VSTM2A: variants seen among roughly 807,000 people sequenced by gnomAD.
VSTM2A encodes V-set and transmembrane domain-containing protein 2A.
A neutral mutation model predicts 27.3 loss-of-function variants in VSTM2A; 13 were observed. That is an observed-to-expected ratio of 0.48 (90% CI 0.31 to 0.76). VSTM2A has a LOEUF of 0.76. Ranked by LOEUF, VSTM2A falls within the 30% of genes least tolerant of loss-of-function variation. The pLI is 0.05. For missense variants in VSTM2A, 280 were observed against 310.0 expected, an observed-to-expected ratio of 0.90 and a Z score of 0.73; for synonymous variants, 142 against 125.7, an observed-to-expected ratio of 1.13 and a Z score of -0.87.
Position 54,550,382 on chromosome 7 carries a change from G to A in VSTM2A, c.634+212G>A, listed in dbSNP as rs926043514. 6.6e-6 allele frequency: 9 copies of A among 1,365,978 alleles called. No individual in the cohort carries two copies. In the South Asian group the frequency reaches 1.0e-4, roughly 16 times the overall value. 84.6% of individuals were successfully genotyped at this position (1,365,978 alleles called of 1,614,324 possible). A position where few individuals can be genotyped will look rare whatever the true frequency, so the allele number is the denominator to read the frequency against. On this transcript the variant is annotated intron_variant, in intron 4 of 4. Coordinates refer to ENST00000402613, the MANE Select transcript of VSTM2A (RefSeq NM_001301009.2). Reference sequence around the variant, plus strand: ...TGCACCCCGTCAGTCCCCTAGTGGTGCTTCATTTCCAGGGCATCTGAGAGC... The same window carrying A: ...TGCACCCCGTCAGTCCCCTAGTGGTACTTCATTTCCAGGGCATCTGAGAGC...
intron 4 of VSTM2A, among the ~76,000 whole-genome samples, chr7:54,553,676 G>A (rs1325921494): frequency 6.6e-6 from 1 of 152,110 alleles, no homozygotes; most frequent in Admixed American, 6.5e-5. Flanking sequence ...CAAATATGGA[G>A]AAGAAAGACC....
chr7:54,562,761 C>T (rs17172352), intron 4 of VSTM2A, among the ~76,000 whole-genome samples: 8,907 of 152,188 alleles, frequency 0.059, 296 homozygotes, highest in South Asian at 0.095. Flanking sequence ...CTTTCTGAAA[C>T]CCTTAGTCAA....
intron 4 of VSTM2A, chr7:54,559,939 TAAAAG>T (rs1391081446): frequency 6.6e-6 from 1 of 151,800 alleles, no homozygotes. Flanking sequence ...CATAGAAAAA[TAAAAG>T]AAAAAAAGAA....
rs960682272 is a variant in VSTM2A at position 54,570,062 on chromosome 7, T to C, written c.*843T>C. 2 of 152,216 alleles carry C rather than the reference T, an allele frequency of 1.3e-5. No homozygotes were observed. The highest frequency in any genetic ancestry group is 4.8e-5 in the African/African-American group (2 of 41,468). The allele number at this position is 152,216 out of a possible 1,614,324, so 9.4% of individuals were successfully genotyped here. A position where few individuals can be genotyped will look rare whatever the true frequency, so the allele number is the denominator to read the frequency against. The stretch of plus-strand genomic sequence containing the variant: ...CTTCCACAGGTTTGACAGCTGCAGA[T>C]GGTCTCTATTGTCCTCTGCTTCATT... On this transcript the variant is annotated 3_prime_UTR_variant, in exon 5 of 5. Coordinates refer to ENST00000402613, the MANE Select transcript of VSTM2A (RefSeq NM_001301009.2).
intron 4 of VSTM2A, among the ~76,000 whole-genome samples, chr7:54,556,544 C>T (rs535723549): frequency 1.3e-5 from 2 of 152,070 alleles, no homozygotes; most frequent in South Asian, 2.1e-4. Flanking sequence ...CAGCCCTTAC[C>T]GCTGATTTTT....
chr7:54,549,745 C>A, intron 3 of VSTM2A, 89 bp from the exon 4 acceptor site: 2 of 1,279,450 alleles, frequency 1.6e-6, no homozygotes, highest in Non-Finnish European at 2.1e-6. Context: ...GACCCTTTAA[C>A]TTTCCAATAT....
chr7:54,560,552 C>T (rs1043778541), intron 4 of VSTM2A, among the ~76,000 whole-genome samples: 5 of 152,146 alleles, frequency 3.3e-5, no homozygotes, highest in Admixed American at 6.6e-5. Context: ...CAAGGGAAAT[C>T]GGACACAGGA....
intron 4 of VSTM2A, among the ~76,000 whole-genome samples, chr7:54,554,990 T>C (rs1201794706): frequency 6.6e-6 from 1 of 152,240 alleles, no homozygotes; most frequent in Non-Finnish European, 1.5e-5. Flanking sequence ...GAATTTATCT[T>C]AGCTTTCTCA....
At chr7:54,544,850 C>A in intron 2 of VSTM2A, 62 bp downstream of exon 2, 1 of 1,504,366 alleles carries the variant, frequency 6.6e-7, no homozygotes, top group East Asian at 2.5e-5. Context: ...GGTGTCCGGC[C>A]CGGGGCTGGG....
chr7:54,550,243 T>A (rs748053188), intron 4 of VSTM2A, 73 bp downstream of exon 4: 1 of 1,539,900 alleles, frequency 6.5e-7, no homozygotes, highest in Admixed American at 2.1e-5. Context: ...TCGTATAGAG[T>A]AGACAGATTT....
At chr7:54,550,221 CA>C in intron 4 of VSTM2A, 51 bp downstream of exon 4, 1 of 1,554,414 alleles carries the variant, frequency 6.4e-7, no homozygotes, top group East Asian at 2.4e-5. Flanking sequence ...AAACGCTCCA[CA>C]GAAAGGTCAG....
chr7:54,553,912 T>C (rs1211250733), intron 4 of VSTM2A: 1 of 1,551,328 alleles, frequency 6.4e-7, no homozygotes, highest in East Asian at 2.4e-5. Context: ...AGACCACCTC[T>C]ACTAGTCCTT....
intron 4 of VSTM2A, among the ~76,000 whole-genome samples, chr7:54,553,394 T>A (rs1469685031): frequency 6.6e-6 from 1 of 152,240 alleles, no homozygotes; most frequent in Non-Finnish European, 1.5e-5. Flanking sequence ...CTTCAATTGT[T>A]CTGAACACTC....
intron 1 of VSTM2A, among the ~76,000 whole-genome samples, chr7:54,544,071 T>C (rs1787866317): frequency 6.6e-6 from 1 of 152,230 alleles, no homozygotes. Context: ...GAAGGAAACA[T>C]ATACAGTTTA....
In VSTM2A at chr7:54,544,791, A is replaced by G. The variant is rs776628064; in HGVS notation, c.246+3A>G. ...GGGCCGAGGGGGCCGGCGCGCAGGT[A>G]GCGGAGCCCGCCGACCCCGCGTCTC... On this transcript the variant is annotated splice_donor_region_variant and intron_variant, in intron 2 of 4. Coordinates refer to ENST00000402613, the MANE Select transcript of VSTM2A (RefSeq NM_001301009.2). The G allele has an allele frequency of 1.9e-6, 3 of 1,597,596 alleles. No individual in the cohort carries two copies. The highest frequency in any genetic ancestry group is 2.2e-5 in the South Asian group (2 of 89,784).
At chr7:54,553,694 G>T (rs543082387) in intron 4 of VSTM2A, among the ~76,000 whole-genome samples, 1 of 152,242 alleles carries the variant, frequency 6.6e-6, no homozygotes, top group Non-Finnish European at 1.5e-5. Context: ...ACCTTTCAGA[G>T]AGGAGGGTGG....
At chr7:54,553,740 T>G in intron 4 of VSTM2A, 1 of 1,315,606 alleles carries the variant, frequency 7.6e-7, no homozygotes, top group Non-Finnish European at 1.0e-6. Flanking sequence ...TCCCAGGATC[T>G]TGACCAGGAT....
Position 54,569,431 on chromosome 7 carries a change from A to G in VSTM2A, c.*212A>G, listed in dbSNP as rs1452559165. 1 of 787,576 alleles carries G rather than the reference A, an allele frequency of 1.3e-6. No individual in the cohort carries two copies. The highest frequency in any genetic ancestry group is 1.7e-5 in the African/African-American group (1 of 57,280). The allele number at this position is 787,576 out of a possible 1,614,324, so 48.8% of individuals were successfully genotyped here. On this transcript the variant is annotated 3_prime_UTR_variant, in exon 5 of 5. Transcript: ENST00000402613. ...ACTGACTGCTCAAGGGTTGGCCTGAATGTCATCAGGATAGGGAATATTTAC... is the reference window on the plus strand; with the variant it reads ...ACTGACTGCTCAAGGGTTGGCCTGAGTGTCATCAGGATAGGGAATATTTAC...
chr7:54,567,640 A>T (rs1278534464), intron 4 of VSTM2A, among the ~76,000 whole-genome samples: 1 of 152,216 alleles, frequency 6.6e-6, no homozygotes, highest in Non-Finnish European at 1.5e-5. Flanking sequence ...TTAAATAGTG[A>T]ATTATTTTAC....
Sources: allele counts gnomAD v4.1 joint callset (sites outside exome capture counted in the v4.1 genomes callset), GRCh38; gene constraint gnomAD v4.1.1; transcripts MANE v1.5; gene names NCBI Gene and HGNC (gene_info 2026-07-23, HGNC 2026-07-21).